Variants in EIF4G3 observed in about 807,000 individuals in gnomAD.
The protein encoded by EIF4G3 is eIF-4-gamma 3.
EIF4G3 carries 34 observed loss-of-function variants against 186.4 expected under a neutral mutation model. That is an observed-to-expected ratio of 0.18 (90% confidence interval 0.14 to 0.24). The LOEUF is 0.24. Ranked by LOEUF, EIF4G3 falls within the 10% of genes least tolerant of loss-of-function variation. The probability of loss-of-function intolerance (pLI) is 1.00; values close to 1 mark genes in which losing one functional copy is unlikely to be tolerated. For synonymous variants in EIF4G3, 673 were observed against 679.5 expected, an observed-to-expected ratio of 0.99 and a Z score of 0.15; for missense variants, 1,536 against 1,948.5, an observed-to-expected ratio of 0.79 and a Z score of 3.99.
At chr1:21,161,949 C>T (rs2102959685) in intron 2 of EIF4G3, 1 of 146,850 alleles carries the variant, frequency 6.8e-6, no homozygotes, top group Admixed American at 6.8e-5. Context: ...GCCTGGCCAA[C>T]AACAACGAAA....
At chr1:20,871,821 T>C (rs1365526220) in intron 20 of EIF4G3, among the ~76,000 whole-genome samples, 4 of 152,086 alleles carry the variant, frequency 2.6e-5, no homozygotes, top group Non-Finnish European at 5.9e-5. Flanking sequence ...ATTTCTTTTC[T>C]TTTCTCTGTC....
chr1:21,085,493 T>G (rs2095936689), intron 3 of EIF4G3, among the ~76,000 whole-genome samples: 1 of 152,134 alleles, frequency 6.6e-6, no homozygotes, highest in Non-Finnish European at 1.5e-5. Flanking sequence ...CTCGACCTCC[T>G]GGGCTCAAGT....
At chr1:21,071,858 C>G (rs1218441922) in intron 3 of EIF4G3, among the ~76,000 whole-genome samples, 2 of 150,458 alleles carry the variant, frequency 1.3e-5, no homozygotes, top group East Asian at 3.9e-4. Flanking sequence ...AGCACTTAAA[C>G]AGCTACTTCC....
intron 11 of EIF4G3, among the ~76,000 whole-genome samples, chr1:20,969,879 G>A (rs541519618): frequency 6.6e-6 from 1 of 152,312 alleles, no homozygotes; most frequent in African/African-American, 2.4e-5. Context: ...GTAAGAACCT[G>A]TAAGACTGAT....
intron 12 of EIF4G3, among the ~76,000 whole-genome samples, chr1:20,962,198 A>G (rs2096584001): frequency 6.6e-6 from 1 of 152,320 alleles, no homozygotes; most frequent in African/African-American, 2.4e-5. Flanking sequence ...GACCCCACAC[A>G]GTTGAAAATC....
chr1:20,882,176 T>TACAC (rs138208807), intron 19 of EIF4G3, among the ~76,000 whole-genome samples: 3,104 of 86,954 alleles, frequency 0.036, 66 homozygotes, highest in African/African-American at 0.069. Flanking sequence ...AAAGAAAAAT[T>TACAC]ACACACACAC....
At chr1:20,821,149 A>C (rs2062246581) in intron 33 of EIF4G3, among the ~76,000 whole-genome samples, 1 of 152,210 alleles carries the variant, frequency 6.6e-6, no homozygotes, top group African/African-American at 2.4e-5. Flanking sequence ...AATACTTTTG[A>C]TAGTCACAGC....
intron 2 of EIF4G3, among the ~76,000 whole-genome samples, chr1:21,110,954 T>C (rs1203095812): frequency 1.3e-5 from 2 of 152,260 alleles, no homozygotes; most frequent in African/African-American, 2.4e-5. Flanking sequence ...GCATCCAATC[T>C]ATGCCAAAAC....
chr1:21,165,823 T>A (rs770754595), intron 2 of EIF4G3, among the ~76,000 whole-genome samples: 3 of 152,106 alleles, frequency 2.0e-5, no homozygotes, highest in African/African-American at 7.2e-5. Flanking sequence ...AATGGGTGAC[T>A]CATACGGTAT....
rs538750438 is a variant in EIF4G3 at position 21,015,072 on chromosome 1, A to T, written c.-66-12264T>A. ...ATTAACAAAGAGATAGAAATAGTTT[A>T]AAAAAAAAAGGAGGGGGGGAAGAAA... On this transcript the variant is annotated intron_variant, in intron 4 of 36. Transcript: ENST00000602326. 1.6e-3 allele frequency among the ~76,000 whole-genome samples: 229 copies of T among 147,706 alleles called. 3 individuals carry two copies. The highest frequency in any genetic ancestry group is 6.5e-3 in the East Asian group (33 of 5,084).
At chr1:20,892,538 C>T in intron 18 of EIF4G3, 3 of 1,046,844 alleles carry the variant, frequency 2.9e-6, no homozygotes, top group African/African-American at 1.6e-5. Flanking sequence ...ACTTAACAAT[C>T]AATAGTAAAT....
chr1:20,813,370 C>G, intron 34 of EIF4G3, 131 bp from the exon 35 acceptor site: 1 of 394,754 alleles, frequency 2.5e-6, no homozygotes, highest in Non-Finnish European at 4.7e-6. Context: ...TGAGACCAGT[C>G]TGGGCAATAT....
chr1:20,861,973 C>CA (rs934356852), intron 23 of EIF4G3, among the ~76,000 whole-genome samples: 4,942 of 139,424 alleles, frequency 0.035, 201 homozygotes, highest in African/African-American at 0.1. Flanking sequence ...GACTCTATCT[C>CA]AAAAAAAAAA....
intron 2 of EIF4G3, among the ~76,000 whole-genome samples, chr1:21,146,992 G>A (rs895304091): frequency 3.3e-5 from 5 of 152,076 alleles, no homozygotes; most frequent in Admixed American, 6.6e-5. Flanking sequence ...GGGCGGGTCA[G>A]TGGCTCCCGC....
chr1:20,931,711 G>A (rs61781106), intron 14 of EIF4G3, among the ~76,000 whole-genome samples: 41,884 of 151,996 alleles, frequency 0.28, 7,387 homozygotes, highest in Non-Finnish European at 0.39. Context: ...CAGATCATGC[G>A]GTCAAGAGAT....
intron 2 of EIF4G3, among the ~76,000 whole-genome samples, chr1:21,172,563 TTTA>T (rs1444373902): frequency 6.6e-6 from 1 of 152,086 alleles, no homozygotes; most frequent in Non-Finnish European, 1.5e-5. Context: ...TATTTATTTA[TTTA>T]TTGAGATGGA....
Position 21,016,522 on chromosome 1 carries a change from CA to C in EIF4G3, c.-66-13715del, listed in dbSNP as rs1557525820. Among the ~76,000 whole-genome samples the C allele has an allele frequency of 2.0e-5, 3 of 151,954 alleles. No homozygotes were observed. In the South Asian group the frequency reaches 6.2e-4, roughly 32 times the overall value. On this transcript the variant is annotated intron_variant, in intron 4 of 36. Coordinates refer to ENST00000602326, the MANE Select transcript of EIF4G3 (RefSeq NM_001391906.1). ...TCAACACTGTGAGACTCAACTCTAC[CA>C]AAAATAAATAATTAGTTGGGTGTGG...
chr1:20,844,135 A>C (rs918604548), intron 29 of EIF4G3, among the ~76,000 whole-genome samples: 1 of 152,204 alleles, frequency 6.6e-6, no homozygotes, highest in Non-Finnish European at 1.5e-5. Context: ...ATGTGTCTTT[A>C]TAAGAGAACA....
At chr1:20,809,096 C>T (rs2058721882) in intron 36 of EIF4G3, among the ~76,000 whole-genome samples, 1 of 152,012 alleles carries the variant, frequency 6.6e-6, no homozygotes, top group Non-Finnish European at 1.5e-5. Context: ...GCCTCAGCCT[C>T]CCAAGTAGCT....
Sources: allele counts gnomAD v4.1 joint callset (sites outside exome capture counted in the v4.1 genomes callset), GRCh38; gene constraint gnomAD v4.1.1; transcripts MANE v1.5; gene names NCBI Gene and HGNC (gene_info 2026-07-23, HGNC 2026-07-21).